The following C2CD5 variants were observed in gnomAD, a reference collection of about 807,000 sequenced individuals.
C2CD5 encodes the protein C2 domain-containing protein 5.
A neutral mutation model predicts 130.3 loss-of-function variants in C2CD5; 109 were observed. The ratio of observed to expected loss-of-function variants is 0.84; its 90% CI spans 0.72 to 0.98. The LOEUF is 0.98. Ranked by LOEUF, C2CD5 falls within the 50% of genes least tolerant of loss-of-function variation. The pLI is 0.00. For missense variants in C2CD5, 996 were observed against 1,261.8 expected (o/e 0.79, Z 3.19); for synonymous variants, 454 against 429.2 (o/e 1.06, Z -0.71).
At chr12:22,479,640 A>T (rs900746508) in intron 14 of C2CD5, among the ~76,000 whole-genome samples, 4 of 152,108 alleles carry the variant, frequency 2.6e-5, no homozygotes, top group African/African-American at 9.6e-5. Context: ...ATATTGCCCT[A>T]CCTTCCTAAT....
At chr12:22,463,892 A>C (rs1002055903) in intron 22 of C2CD5, 1 of 152,174 alleles carries the variant, frequency 6.6e-6, no homozygotes, top group African/African-American at 2.4e-5. Context: ...ATTATAATTT[A>C]TGTTTTATTT....
chr12:22,488,580 A>G (rs1450841405), intron 12 of C2CD5, among the ~76,000 whole-genome samples: 1 of 152,156 alleles, frequency 6.6e-6, no homozygotes, highest in Non-Finnish European at 1.5e-5. Context: ...CTATCAACTT[A>G]AGAATGAAAT....
chr12:22,467,959 C>A (rs932487751), intron 22 of C2CD5, among the ~76,000 whole-genome samples: 1 of 152,014 alleles, frequency 6.6e-6, no homozygotes, highest in African/African-American at 2.4e-5. Flanking sequence ...CTGCAGAATT[C>A]AGTAGGTATT....
At chr12:22,531,031 G>A (rs990674671) in intron 3 of C2CD5, among the ~76,000 whole-genome samples, 6 of 151,956 alleles carry the variant, frequency 3.9e-5, no homozygotes, top group Non-Finnish European at 8.8e-5. Flanking sequence ...GTTATAGTTG[G>A]GGGGGAAAGG....
intron 22 of C2CD5, among the ~76,000 whole-genome samples, chr12:22,464,697 A>G (rs1941757914): frequency 6.6e-6 from 1 of 152,174 alleles, no homozygotes; most frequent in African/African-American, 2.4e-5. Flanking sequence ...TAACATCAAG[A>G]ATTTTAACTG....
Position 22,544,083 on chromosome 12 carries a change from T to A in C2CD5, c.68A>T (p.Asp23Val), listed in dbSNP as rs1278557185. Residue 23 changes from aspartate to valine, a missense_variant, in exon 2 of 27, where the codon GAC (aspartate) becomes GTC (valine). Transcript: ENST00000446597. ...RHLPVMDRAS[D>V]LTDAFVEVKF... ...AACCTCCACGAAGGCATCAGTCAGG[T>A]CACTAGCACGGTCCATCACTGGCAA... The A allele has an allele frequency of 6.2e-7, 1 of 1,613,432 alleles. No homozygotes were observed. Among genetic ancestry groups the A allele is most frequent in the Non-Finnish European group, 8.5e-7 (1 of 1,179,626 alleles).
At chr12:22,455,000 T>A (rs148382743) in intron 25 of C2CD5, among the ~76,000 whole-genome samples, 91 of 152,310 alleles carry the variant, frequency 6.0e-4, no homozygotes, top group African/African-American at 2.0e-3. Flanking sequence ...AACCTAGGTT[T>A]CCACAAATTC....
Position 22,452,622 on chromosome 12 carries a change from TTTTG to T in C2CD5, c.3024+1270_3024+1273del, listed in dbSNP as rs78445486. 5.4e-3 allele frequency among the ~76,000 whole-genome samples: 829 copies of T among 152,320 alleles called. 18 individuals carry two copies. The East Asian group carries it at 0.059, about 11-fold the overall frequency. On this transcript the variant is annotated intron_variant, in intron 26 of 26. Transcript: ENST00000446597. ...AATTTATCAGAAGGTTGTCTCATAG[TTTTG>T]TTTATCACTATGTTTCTTCAACATG...
chr12:22,450,220 G>A (rs939706491), intron 26 of C2CD5, among the ~76,000 whole-genome samples: 3 of 152,086 alleles, frequency 2.0e-5, no homozygotes, highest in African/African-American at 7.2e-5. Context: ...CATGGGACAA[G>A]AGCAACACAC....
chr12:22,506,949 CAT>C, intron 9 of C2CD5, 130 bp from the exon 10 acceptor site: 1 of 604,998 alleles, frequency 1.7e-6, no homozygotes, highest in Non-Finnish European at 3.0e-6. Flanking sequence ...ACACATCACA[CAT>C]GCTTTGTAAT....
chr12:22,464,580 G>A (rs1941740339), intron 22 of C2CD5, among the ~76,000 whole-genome samples: 1 of 151,906 alleles, frequency 6.6e-6, no homozygotes, highest in African/African-American at 2.4e-5. Context: ...CCATTTCTGG[G>A]ATGAGTTTTT....
At chr12:22,458,762 G>C in intron 23 of C2CD5, 177 bp from the exon 24 acceptor site, 1 of 353,778 alleles carries the variant, frequency 2.8e-6, no homozygotes. Context: ...ACACTGATTT[G>C]TCCAAAACCA....
Position 22,540,598 on chromosome 12 carries a change from T to C in C2CD5, c.90+3463A>G, listed in dbSNP as rs188178311. Reference sequence around the variant, plus strand: ...AACAGGCCAGGCGCGGTGGCTCACATCTGTAATCCCAGCACTTTGGGAGAC... The same window carrying C: ...AACAGGCCAGGCGCGGTGGCTCACACCTGTAATCCCAGCACTTTGGGAGAC... On this transcript the variant is annotated intron_variant, in intron 2 of 26. Transcript: ENST00000446597. Among the ~76,000 whole-genome samples the C allele has an allele frequency of 3.9e-4, 60 of 152,276 alleles. 1 individual carries two copies. Among genetic ancestry groups the C allele is most frequent in the African/African-American group, 1.1e-3 (45 of 41,538 alleles).
intron 9 of C2CD5, among the ~76,000 whole-genome samples, chr12:22,509,597 A>T (rs1948960581): frequency 6.6e-6 from 1 of 152,214 alleles, no homozygotes; most frequent in African/African-American, 2.4e-5. Context: ...CCGTCTTCAT[A>T]CAATTCTCTC....
chr12:22,520,079 A>C (rs1950137042), intron 7 of C2CD5, among the ~76,000 whole-genome samples: 1 of 152,180 alleles, frequency 6.6e-6, no homozygotes, highest in Non-Finnish European at 1.5e-5. Flanking sequence ...GAAATTTTTA[A>C]GAAAAAATTT....
intron 8 of C2CD5, 76 bp from the exon 9 acceptor site, chr12:22,513,455 A>G: frequency 1.2e-6 from 1 of 867,312 alleles, no homozygotes; most frequent in Non-Finnish European, 2.0e-6. Context: ...TCATCTTCAT[A>G]AACATCATGA....
intron 10 of C2CD5, chr12:22,502,864 C>T (rs1032463952): frequency 4.4e-6 from 4 of 911,580 alleles, no homozygotes; most frequent in Non-Finnish European, 5.1e-6. Flanking sequence ...AGGAATAAAA[C>T]AAAAAACACT....
chr12:22,524,306 A>G (rs1005329528), intron 6 of C2CD5, among the ~76,000 whole-genome samples, 166 bp downstream of exon 6: 1 of 152,170 alleles, frequency 6.6e-6, no homozygotes, highest in Non-Finnish European at 1.5e-5. Flanking sequence ...CCACTTGTTA[A>G]AAGAGGGCAA....
At chr12:22,486,851 T>C (rs1471204841) in intron 12 of C2CD5, among the ~76,000 whole-genome samples, 1 of 152,138 alleles carries the variant, frequency 6.6e-6, no homozygotes, top group Non-Finnish European at 1.5e-5. Flanking sequence ...ATGGCAATTA[T>C]TACTCAATAT....
Sources: allele counts gnomAD v4.1 joint callset (sites outside exome capture counted in the v4.1 genomes callset), GRCh38; gene constraint gnomAD v4.1.1; transcripts MANE v1.5; gene names NCBI Gene and HGNC (gene_info 2026-07-23, HGNC 2026-07-21).